The following BCAS3 variants were observed in gnomAD, a reference collection of about 807,000 sequenced individuals.
BCAS3 encodes BCAS3 microtubule associated cell migration factor.
Under a neutral mutation model 116.1 loss-of-function variants are expected in BCAS3, and 53 were observed. The observed-to-expected ratio is 0.46, with a 90% confidence interval of 0.37 to 0.57. The LOEUF is 0.57. Ranked by LOEUF, BCAS3 falls within the 20% of genes least tolerant of loss-of-function variation. The pLI is 0.00. For missense variants in BCAS3, 917 were observed against 1,165.4 expected, an observed-to-expected ratio of 0.79 and a Z score of 3.10; for synonymous variants, 391 against 408.2, an observed-to-expected ratio of 0.96 and a Z score of 0.51.
At chr17:61,148,832 A>T (rs1284897862) in intron 22 of BCAS3, among the ~76,000 whole-genome samples, 1 of 152,156 alleles carries the variant, frequency 6.6e-6, no homozygotes, top group Non-Finnish European at 1.5e-5. Flanking sequence ...TACTGTTGGC[A>T]AAAAAATGTA....
At chr17:60,875,334 A>G (rs540284282) in intron 9 of BCAS3, among the ~76,000 whole-genome samples, 3 of 152,178 alleles carry the variant, frequency 2.0e-5, no homozygotes, top group African/African-American at 7.2e-5. Flanking sequence ...AGATTTTCTA[A>G]TAGGAGAATT....
chr17:61,381,277 C>T lies in BCAS3; in HGVS notation c.2594-10700C>T, dbSNP rs1046215363. 7.2e-5 allele frequency among the ~76,000 whole-genome samples: 11 copies of T among 152,190 alleles called. No individual in the cohort carries two copies. In the South Asian group the frequency reaches 1.0e-3, roughly 14 times the overall value. Reference sequence around the variant, plus strand: ...TCCTGGAGGAGCAAATGGAAAGGCTCGCCTGAGCCAGCTGAATTGAATAAT... The same window carrying T: ...TCCTGGAGGAGCAAATGGAAAGGCTTGCCTGAGCCAGCTGAATTGAATAAT... On this transcript the variant is annotated intron_variant, in intron 23 of 23. Transcript: ENST00000407086. This position sits in a 1 kb window ranked among gnomAD's most constrained non-coding sequence, Gnocchi z 6.0.
Position 61,104,476 on chromosome 17 carries a change from G to C in BCAS3, c.2425+19912G>C, listed in dbSNP as rs1371448842. On this transcript the variant is annotated intron_variant, in intron 22 of 23. Coordinates refer to ENST00000407086, the MANE Select transcript of BCAS3 (RefSeq NM_017679.5). The surrounding 1 kb of genome is among the most constrained non-coding windows in gnomAD (Gnocchi z 4.1). ...CTGTGGCACATAGGGCAAATGCCTT[G>C]GAACATCAGTAATTACTATTTGAGG... Among the ~76,000 whole-genome samples the C allele has an allele frequency of 2.6e-5, 4 of 152,162 alleles. No individual in the cohort carries two copies. The highest frequency in any genetic ancestry group is 4.4e-5 in the Non-Finnish European group (3 of 68,026).
chr17:61,326,551 T>C lies in BCAS3; in HGVS notation c.2426-41776T>C, dbSNP rs2055747049. Among the ~76,000 whole-genome samples, 4 of 152,244 alleles carry C rather than the reference T, an allele frequency of 2.6e-5. No homozygotes were observed. Among genetic ancestry groups the C allele is most frequent in the South Asian group, 4.1e-4 (2 of 4,828 alleles). ...TGGATTAGGCTGGCCCAGTAGCAAATAGAAGTGGACAGTAATGAGTGTTAT... is the reference window on the plus strand; with the variant it reads ...TGGATTAGGCTGGCCCAGTAGCAAACAGAAGTGGACAGTAATGAGTGTTAT... On this transcript the variant is annotated intron_variant, in intron 22 of 23. Transcript: ENST00000407086. This position sits in a 1 kb window ranked among gnomAD's most constrained non-coding sequence, Gnocchi z 5.3.
rs188031327 is a variant in BCAS3 at position 60,868,690 on chromosome 17, A to G, written c.584+7A>G. ...ATCTCCATTGCAATAAACGGTAAGG[A>G]TTTTTTCATGGGTTTCTTGTGTAAA... On this transcript the variant is annotated splice_region_variant and intron_variant, in intron 8 of 23. Transcript: ENST00000407086. The G allele has an allele frequency of 1.1e-3, 1,667 of 1,535,912 alleles. 18 individuals carry two copies. In the East Asian group the frequency reaches 0.022, roughly 20 times the overall value.
chr17:61,070,619 A>G (rs577690560), intron 19 of BCAS3, among the ~76,000 whole-genome samples: 7 of 151,996 alleles, frequency 4.6e-5, no homozygotes, highest in Non-Finnish European at 8.8e-5. Context: ...AAAAGAGCAA[A>G]AACTTAGTTT....
chr17:60,754,481 C>T (rs543390226), intron 6 of BCAS3, among the ~76,000 whole-genome samples: 4 of 152,168 alleles, frequency 2.6e-5, no homozygotes, highest in Non-Finnish European at 5.9e-5. Flanking sequence ...AGGTGATCCT[C>T]CTGCCTCGGC....
intron 6 of BCAS3, among the ~76,000 whole-genome samples, chr17:60,776,857 A>G (rs1369918938): frequency 1.3e-5 from 2 of 152,008 alleles, no homozygotes; most frequent in Non-Finnish European, 2.9e-5. Flanking sequence ...CTCTACTAAA[A>G]ATACAAAATT....
chr17:61,154,200 G>T (rs2077700139), intron 22 of BCAS3, among the ~76,000 whole-genome samples: 1 of 152,158 alleles, frequency 6.6e-6, no homozygotes, highest in African/African-American at 2.4e-5. Context: ...AAGGAAGGAA[G>T]GGAGGGAAGG....
chr17:61,335,204 C>G (rs575631846), intron 22 of BCAS3, among the ~76,000 whole-genome samples: 1 of 152,212 alleles, frequency 6.6e-6, no homozygotes, highest in African/African-American at 2.4e-5. Context: ...GTCCGCAGGC[C>G]TTGTGTGTGC....
At chr17:60,921,441 G>A (rs1314075161) in intron 12 of BCAS3, among the ~76,000 whole-genome samples, 2 of 151,696 alleles carry the variant, frequency 1.3e-5, no homozygotes, top group Admixed American at 6.6e-5. Context: ...GTGAAACCCC[G>A]TCTCTACTAA....
chr17:60,768,910 A>G (rs2044374566), intron 6 of BCAS3, among the ~76,000 whole-genome samples: 2 of 152,174 alleles, frequency 1.3e-5, no homozygotes, highest in African/African-American at 2.4e-5. Context: ...GACAGCTGGT[A>G]TGAGTGGCAA....
intron 19 of BCAS3, among the ~76,000 whole-genome samples, chr17:61,054,342 G>A (rs894608624): frequency 2.6e-5 from 4 of 152,200 alleles, no homozygotes; most frequent in East Asian, 1.9e-4. Flanking sequence ...TGTGCGTGTC[G>A]TACCACCATC....
intron 7 of BCAS3, among the ~76,000 whole-genome samples, chr17:60,831,118 C>A (rs2050881244): frequency 6.6e-6 from 1 of 152,036 alleles, no homozygotes; most frequent in Admixed American, 6.6e-5. Flanking sequence ...TCCCTAAGTG[C>A]TGTGATTACA....
Position 61,128,200 on chromosome 17 carries a change from G to T in BCAS3, c.2425+43636G>T. On this transcript the variant is annotated intron_variant, in intron 22 of 23. Coordinates refer to ENST00000407086, the MANE Select transcript of BCAS3 (RefSeq NM_017679.5). This position sits in a 1 kb window ranked among gnomAD's most constrained non-coding sequence, Gnocchi z 4.1. ...TAGGAAGCCTTCCACCAGGAATAGT[G>T]TGAGTCAAGGATGAGTACATGAAGA... 1 of 985,416 alleles carries T rather than the reference G, an allele frequency of 1.0e-6. No homozygotes were observed. The highest frequency in any genetic ancestry group is 1.2e-6 in the Non-Finnish European group (1 of 829,924). 61.0% of individuals were successfully genotyped at this position (985,416 alleles called of 1,614,324 possible). A position where few individuals can be genotyped will look rare whatever the true frequency, so the allele number is the denominator to read the frequency against.
At chr17:61,036,914 T>C (rs1002613845) in intron 17 of BCAS3, among the ~76,000 whole-genome samples, 3 of 152,144 alleles carry the variant, frequency 2.0e-5, no homozygotes, top group Non-Finnish European at 4.4e-5. Context: ...GAATAGACTT[T>C]ATTTTCTAAA....
intron 5 of BCAS3, among the ~76,000 whole-genome samples, chr17:60,739,576 C>T (rs1003506472): frequency 2.6e-5 from 4 of 151,804 alleles, no homozygotes; most frequent in East Asian, 1.9e-4. Flanking sequence ...GCTGAGATCA[C>T]GCCATTGTAC....
At chr17:60,992,371 G>C (rs2063582480) in intron 15 of BCAS3, among the ~76,000 whole-genome samples, 1 of 152,104 alleles carries the variant, frequency 6.6e-6, no homozygotes, top group African/African-American at 2.4e-5. Flanking sequence ...TAATGAGAAT[G>C]ATTGTTATTC....
intron 7 of BCAS3, chr17:60,851,616 C>A: frequency 4.5e-6 from 3 of 659,734 alleles, no homozygotes; most frequent in Non-Finnish European, 5.6e-6. Context: ...AATAAAAGGG[C>A]AAAGGGGAGC....
Sources: gnomAD v4.1 joint callset for allele counts (sites outside exome capture counted in the v4.1 genomes callset) on GRCh38, gnomAD v4.1.1 for gene constraint, Gnocchi (gnomAD v3.1) non-coding constraint, MANE v1.5 for transcripts, NCBI Gene and HGNC (gene_info 2026-07-23, HGNC 2026-07-21) for gene names.